ARHGEF39: variants seen among roughly 807,000 people sequenced by gnomAD.
The protein encoded by ARHGEF39 is Rho guanine nucleotide exchange factor 39, also known as Rho guanine nucleotide exchange factor (GEF) 39.
In ARHGEF39, 45 loss-of-function variants were observed where a neutral mutation model predicts 47.5. The observed-to-expected ratio is 0.95, with a 90% CI of 0.75 to 1.22. The LOEUF is 1.22. Ranked by LOEUF, ARHGEF39 falls within the 50% of genes most tolerant of loss-of-function variation. The pLI, the probability that ARHGEF39 is intolerant of heterozygous loss-of-function variation, is 0.00. For missense variants in ARHGEF39, 411 were observed against 425.3 expected (o/e 0.97, Z 0.30); for synonymous variants, 164 against 167.8 (o/e 0.98, Z 0.17).
Position 35,660,820 on chromosome 9 carries a change from A to G in ARHGEF39, c.*1167T>C, listed in dbSNP as rs1340457584. ...TGGACCATCCACGAGCTGCTGCAAG[A>G]TAGCAAGCCGGACAAGGATATGGAG... On this transcript the variant is annotated 3_prime_UTR_variant, in exon 9 of 9. Transcript: ENST00000378387. 6.2e-7 allele frequency: 1 copy of G among 1,614,206 alleles called. No homozygotes were observed. The highest frequency in any genetic ancestry group is 1.7e-5 in the Admixed American group (1 of 60,032).
Position 35,660,302 on chromosome 9 carries a change from C to T in ARHGEF39, c.*1685G>A. On this transcript the variant is annotated 3_prime_UTR_variant, in exon 9 of 9. Transcript: ENST00000378387. ...TGAGGTAAAAACCCAATCACTGTCTCCATCTCAAATTGCACTCTCTCTTGG... is the reference window on the plus strand; with the variant it reads ...TGAGGTAAAAACCCAATCACTGTCTTCATCTCAAATTGCACTCTCTCTTGG... 9.9e-7 allele frequency: 1 copy of T among 1,010,806 alleles called. No individual in the cohort carries two copies. Among genetic ancestry groups the T allele is most frequent in the Non-Finnish European group, 1.5e-6 (1 of 675,892 alleles). The allele number at this position is 1,010,806 out of a possible 1,614,324, so 62.6% of individuals were successfully genotyped here. A position where few individuals can be genotyped will look rare whatever the true frequency, so the allele number is the denominator to read the frequency against.
chr9:35,662,997 G>A lies in ARHGEF39; in HGVS notation c.622C>T (p.Arg208Trp), dbSNP rs745719708. Reference sequence around the variant, plus strand: ...CCACTGAGCAGAGCCTGGACACGCCGAAGGTGCTGGTCATTCTTCTGTTTC... The same window carrying A: ...CCACTGAGCAGAGCCTGGACACGCCAAAGGTGCTGGTCATTCTTCTGTTTC... Reference protein sequence around the residue: ...GQKQKNDQHLRRVQALLSGRQ... With the variant: ...GQKQKNDQHLWRVQALLSGRQ... The change falls in exon 6 of 9, where the codon CGG becomes TGG. Residue 208 changes from arginine (R) to tryptophan (W), a missense_variant. Arg to Trp is a moderately radical substitution (Grantham distance 101, BLOSUM62 -3). Transcript: ENST00000378387. The A allele has an allele frequency of 1.2e-5, 20 of 1,610,346 alleles. No homozygotes were observed. The highest frequency in any genetic ancestry group is 3.3e-5 in the South Asian group (3 of 90,826).
In ARHGEF39 at chr9:35,662,382, C is replaced by G. The variant is rs546966586; in HGVS notation, c.904-115G>C. Reference sequence around the variant, plus strand: ...TGAGACAATGACTAGGTATGAAGCCCGAGCCCCAGCTATCCTCTCTCAATG... The same window carrying G: ...TGAGACAATGACTAGGTATGAAGCCGGAGCCCCAGCTATCCTCTCTCAATG... On this transcript the variant is annotated intron_variant, in intron 7 of 8. Transcript: ENST00000378387. The G allele has an allele frequency of 2.9e-6, 4 of 1,377,964 alleles. No homozygotes were observed. The Admixed American group carries it at 5.9e-5, about 20-fold the overall frequency. 85.4% of individuals were successfully genotyped at this position (1,377,964 alleles called of 1,614,324 possible). A position where few individuals can be genotyped will look rare whatever the true frequency, so the allele number is the denominator to read the frequency against.
At position 35,662,191 on chromosome 9, in the gene ARHGEF39, G is replaced by A; in HGVS notation, c.980C>T (p.Thr327Ile). 6.2e-7 allele frequency: 1 copy of A among 1,614,152 alleles called. No homozygotes were observed. The highest frequency in any genetic ancestry group is 8.5e-7 in the Non-Finnish European group (1 of 1,179,998). The change falls in exon 8 of 9, where the codon ACT becomes ATT. Residue 327 changes from threonine to isoleucine, a missense_variant. Physicochemically the swap from Thr to Ile is moderately conservative, Grantham distance 89. Transcript: ENST00000378387. ...EELSRWYHSL[T>I]WAISSQKN ...AGACACAACTTACCTGATAGCCCAAGTCAGACTGTGGTACCAGCGTGACAG... is the reference window on the plus strand; with the variant it reads ...AGACACAACTTACCTGATAGCCCAAATCAGACTGTGGTACCAGCGTGACAG...
At position 35,660,281 on chromosome 9, in the gene ARHGEF39, G is replaced by GT. The variant is rs1260142876; in HGVS notation, c.*1705dup. The stretch of plus-strand genomic sequence containing the variant: ...TAGACTAGGATTGTGATTCTCTGAG[G>GT]TAAAAACCCAATCACTGTCTCCATC... On this transcript the variant is annotated 3_prime_UTR_variant, in exon 9 of 9. Transcript: ENST00000378387. 6 of 834,792 alleles carry GT rather than the reference G, an allele frequency of 7.2e-6. No homozygotes were observed. In the African/African-American group the frequency reaches 8.6e-5, roughly 12 times the overall value. 51.7% of individuals were successfully genotyped at this position (834,792 alleles called of 1,614,324 possible). A position where few individuals can be genotyped will look rare whatever the true frequency, so the allele number is the denominator to read the frequency against.
At chr9:35,664,261 C>A in intron 3 of ARHGEF39, 111 bp downstream of exon 3, 1 of 1,524,590 alleles carries the variant, frequency 6.6e-7, no homozygotes, top group South Asian at 1.3e-5. Context: ...AGGAACTTAC[C>A]ACAGAGCTGA....
chr9:35,662,210 G>A lies in ARHGEF39; in HGVS notation c.961C>T (p.Arg321Cys), dbSNP rs145102414. ...GCCCAAGTCAGACTGTGGTACCAGC[G>A]TGACAGCTCCTCCTGGTCTGTGGAC... ...LMSTDQEELS[R>C]WYHSLTWAIS... The change falls in exon 8 of 9, where the codon CGC becomes TGC. Residue 321 changes from arginine to cysteine, a missense_variant. Arg to Cys is a radical substitution (Grantham distance 180). Transcript: ENST00000378387. 3.2e-4 allele frequency: 512 copies of A among 1,614,174 alleles called. 1 individual carries two copies. The highest frequency in any genetic ancestry group is 3.9e-4 in the Non-Finnish European group (466 of 1,180,028).
At chr9:35,664,979 C>T in intron 1 of ARHGEF39, 53 bp downstream of exon 1, 1 of 1,511,156 alleles carries the variant, frequency 6.6e-7, no homozygotes. Context: ...CAGAGACCCT[C>T]CCACACCCTG....
At position 35,660,738 on chromosome 9, in the gene ARHGEF39, T is replaced by C; in HGVS notation, c.*1249A>G. 1 of 1,613,726 alleles carries C rather than the reference T, an allele frequency of 6.2e-7. No individual in the cohort carries two copies. The highest frequency in any genetic ancestry group is 8.5e-7 in the Non-Finnish European group (1 of 1,179,788). ...AGGTTGGGAGCCACTGAGTGGACATTTCTTCAGTGTGACTACTCTGGCTGG... is the reference window on the plus strand; with the variant it reads ...AGGTTGGGAGCCACTGAGTGGACATCTCTTCAGTGTGACTACTCTGGCTGG... On this transcript the variant is annotated 3_prime_UTR_variant, in exon 9 of 9. Coordinates refer to ENST00000378387, the MANE Select transcript of ARHGEF39 (RefSeq NM_032818.3).
chr9:35,660,537 CT>C lies in ARHGEF39; in HGVS notation c.*1449del. 3 of 1,613,474 alleles carry C rather than the reference CT, an allele frequency of 1.9e-6. No homozygotes were observed. The highest frequency in any genetic ancestry group is 2.5e-6 in the Non-Finnish European group (3 of 1,179,414). On this transcript the variant is annotated 3_prime_UTR_variant, in exon 9 of 9. Transcript: ENST00000378387. ...GAAGATACATAACCACTTCTGCCCC[CT>C]TTTTTCCCTTATCCCCAGAGCAACA...
chr9:35,660,447 A>C lies in ARHGEF39; in HGVS notation c.*1540T>G, dbSNP rs1306137889. 6.2e-7 allele frequency: 1 copy of C among 1,612,908 alleles called. No homozygotes were observed. Among genetic ancestry groups the C allele is most frequent in the Non-Finnish European group, 8.5e-7 (1 of 1,179,516 alleles). On this transcript the variant is annotated 3_prime_UTR_variant, in exon 9 of 9. Transcript: ENST00000378387. ...CTCCACGAGGAGGCAAGCAAGCAGC[A>C]GCCACTGCAGTCAGGTGGGTTTAGC...
intron 1 of ARHGEF39, 41 bp from the exon 2 acceptor site, chr9:35,664,891 A>G: frequency 6.3e-7 from 1 of 1,591,660 alleles, no homozygotes; most frequent in Non-Finnish European, 8.5e-7. Flanking sequence ...CTAGAGGAAG[A>G]GAAGGCTAAC....
Position 35,663,060 on chromosome 9 carries a change from T to C in ARHGEF39, c.559A>G (p.Ile187Val), listed in dbSNP as rs758320332. The C allele has an allele frequency of 1.2e-5, 20 of 1,613,442 alleles. No individual in the cohort carries two copies. Among genetic ancestry groups the C allele is most frequent in the African/African-American group, 8.0e-5 (6 of 74,870 alleles). ...HQQLTRAARLISETAQRVHTI... is the reference protein window; with the variant it reads ...HQQLTRAARLVSETAQRVHTI... ...TGGACTCTCTGGGCAGTCTCACTTA[T>C]CAGTCGGGCAGCCCCTGGAATAACA... The change falls in exon 6 of 9, where the codon ATA (isoleucine) becomes GTA (valine). Residue 187 changes from isoleucine (I) to valine (V), a missense_variant. Physicochemically the swap from Ile to Val is conservative, Grantham distance 29 (BLOSUM62 3). Coordinates refer to ENST00000378387, the MANE Select transcript of ARHGEF39 (RefSeq NM_032818.3).
In ARHGEF39 at chr9:35,664,461, A is replaced by G. The variant is rs1563917402; in HGVS notation, c.265T>C (p.Trp89Arg). ...ELLPYLEGGC[W>R]GQGLEGFCRH... ...CAGAAGCCCTCCAGCCCTTGGCCCC[A>G]GCATCCTCCTTCCAGGTAGGGAAGC... is the stretch of plus-strand genomic sequence containing the variant. Residue 89 changes from tryptophan to arginine, a missense_variant, in exon 3 of 9, where the codon TGG becomes CGG. Trp to Arg is a moderately radical substitution (Grantham distance 101). Transcript: ENST00000378387. 1 of 1,611,204 alleles carries G rather than the reference A, an allele frequency of 6.2e-7. No individual in the cohort carries two copies. The highest frequency in any genetic ancestry group is 2.2e-5 in the East Asian group (1 of 44,864).
rs763651309 is a variant in ARHGEF39 at position 35,660,574 on chromosome 9, T to C, written c.*1413A>G. On this transcript the variant is annotated 3_prime_UTR_variant, in exon 9 of 9. Transcript: ENST00000378387. Reference sequence around the variant, plus strand: ...ATCCCCAGAGCAACAGCTGGCCCAGTTGACACAACAGCTGGCCCAGACAGA... The same window carrying C: ...ATCCCCAGAGCAACAGCTGGCCCAGCTGACACAACAGCTGGCCCAGACAGA... 3.7e-6 allele frequency: 6 copies of C among 1,613,964 alleles called. No individual in the cohort carries two copies. The highest frequency in any genetic ancestry group is 3.3e-5 in the Admixed American group (2 of 59,990).
At position 35,661,679 on chromosome 9, in the gene ARHGEF39, A is replaced by AT; in HGVS notation, c.*307dup. The AT allele has an allele frequency of 2.4e-6, 1 of 417,732 alleles. No homozygotes were observed. Among genetic ancestry groups the AT allele is most frequent in the Non-Finnish European group, 4.2e-6 (1 of 237,044 alleles). The allele number at this position is 417,732 out of a possible 1,614,324, so 25.9% of individuals were successfully genotyped here. ...TCTTTTTTAATAAAATTTCTTAATT[A>AT]TTTTTTCTTAAATAGAGACAGGGTC... On this transcript the variant is annotated 3_prime_UTR_variant, in exon 9 of 9. Transcript: ENST00000378387.
In ARHGEF39 at chr9:35,661,031, G is replaced by T; in HGVS notation, c.*956C>A. On this transcript the variant is annotated 3_prime_UTR_variant, in exon 9 of 9. Coordinates refer to ENST00000378387, the MANE Select transcript of ARHGEF39 (RefSeq NM_032818.3). ...AGGCCTGGGAGGAGCCCACAAACTGGAGCACAGAGACATGGAACCTAGCTA... is the reference window on the plus strand; with the variant it reads ...AGGCCTGGGAGGAGCCCACAAACTGTAGCACAGAGACATGGAACCTAGCTA... 6.2e-7 allele frequency: 1 copy of T among 1,614,188 alleles called. No homozygotes were observed. Among genetic ancestry groups the T allele is most frequent in the South Asian group, 1.1e-5 (1 of 91,082 alleles).
chr9:35,663,308 G>A lies in ARHGEF39; in HGVS notation c.544+14C>T. ...GAAGCCTCCAGCCTGCGTTGCCGAG[G>A]AGCAAGAACCTACGTGTGAGCTGTT... On this transcript the variant is annotated intron_variant, in intron 5 of 8. Transcript: ENST00000378387. The A allele has an allele frequency of 6.2e-7, 1 of 1,613,804 alleles. No homozygotes were observed. Among genetic ancestry groups the A allele is most frequent in the South Asian group, 1.1e-5 (1 of 91,070 alleles).
At chr9:35,663,744 A>G (rs374980224) in intron 4 of ARHGEF39, among the ~76,000 whole-genome samples, 22 of 152,294 alleles carry the variant, frequency 1.4e-4, no homozygotes, top group African/African-American at 4.8e-4. Flanking sequence ...CGCATCTGAA[A>G]CTTTTCCAGA....
Sources: gnomAD v4.1 joint callset for allele counts (sites outside exome capture counted in the v4.1 genomes callset) on GRCh38, gnomAD v4.1.1 for gene constraint, MANE v1.5 for transcripts, NCBI Gene and HGNC (gene_info 2026-07-23, HGNC 2026-07-21) for gene names.